HORMAD2: variants seen among roughly 807,000 people sequenced by gnomAD.
HORMAD2 encodes the protein HORMA domain containing 2, also known as HORMA domain-containing protein 2.
In HORMAD2, 45 loss-of-function variants were observed where a neutral mutation model predicts 38.8. The ratio of observed to expected loss-of-function variants is 1.16; its 90% CI spans 0.91 to 1.49. The LOEUF is 1.49. Ranked by LOEUF, HORMAD2 falls within the 40% of genes most tolerant of loss-of-function variation. HORMAD2 has a pLI of 0.00. For synonymous variants in HORMAD2, 126 were observed against 122.8 expected, an observed-to-expected ratio of 1.03 and a Z score of -0.17; for missense variants, 338 against 367.0, an observed-to-expected ratio of 0.92 and a Z score of 0.65.
Position 30,145,100 on chromosome 22 carries a change from A to G in HORMAD2, c.819+22886A>G, listed in dbSNP as rs147760393. On this transcript the variant is annotated intron_variant, in intron 10 of 10. Transcript: ENST00000336726. ...ATATTCTTGAACGGAGGCTTCTTCA[A>G]TTACTGTATGCCTTTAGGTATAACA... Among the ~76,000 whole-genome samples the G allele has an allele frequency of 4.8e-3, 725 of 152,342 alleles. 8 individuals are homozygous for G. The highest frequency in any genetic ancestry group is 0.016 in the African/African-American group (682 of 41,580).
At chr22:30,143,495 T>G (rs1285952565) in intron 10 of HORMAD2, among the ~76,000 whole-genome samples, 2 of 152,206 alleles carry the variant, frequency 1.3e-5, no homozygotes, top group Non-Finnish European at 2.9e-5. Context: ...TATGTTGTCT[T>G]ACTACCTCAC....
At chr22:30,195,050 G>T in the HORMAD2 span, among the ~76,000 whole-genome samples, 1 of 151,890 alleles carries the variant, frequency 6.6e-6, no homozygotes, top group East Asian at 1.9e-4. Context: ...AAAATTAGCC[G>T]GGCATGGTGG....
At chr22:30,106,355 AT>A in intron 5 of HORMAD2, among the ~76,000 whole-genome samples, 1 of 152,286 alleles carries the variant, frequency 6.6e-6, no homozygotes, top group Middle Eastern at 3.4e-3. Context: ...TTATGTAAAA[AT>A]ATCAGAGATA....
chr22:30,186,243 T>C, the HORMAD2 span, among the ~76,000 whole-genome samples: 1 of 152,162 alleles, frequency 6.6e-6, no homozygotes, highest in Admixed American at 6.5e-5. Flanking sequence ...TTTTCTAGAA[T>C]ATTTTTCCAT....
intron 10 of HORMAD2, among the ~76,000 whole-genome samples, chr22:30,139,955 CTGTGTGTGTGTG>C (rs36099958): frequency 6.7e-6 from 1 of 150,152 alleles, no homozygotes; most frequent in Admixed American, 6.6e-5. Context: ...GTACGTGTAT[CTGTGTGTGTGTG>C]TGTGTGTATT....
intron 10 of HORMAD2, among the ~76,000 whole-genome samples, chr22:30,123,366 G>A (rs1040624601): frequency 1.3e-5 from 2 of 151,918 alleles, no homozygotes; most frequent in Admixed American, 1.3e-4. Context: ...ACAGGGTCTC[G>A]CTCTGTTGCC....
the HORMAD2 span, among the ~76,000 whole-genome samples, chr22:30,203,746 C>G: frequency 6.6e-6 from 1 of 152,200 alleles, no homozygotes; most frequent in East Asian, 1.9e-4. Context: ...CATTCTCACG[C>G]AAAACACACA....
intron 10 of HORMAD2, among the ~76,000 whole-genome samples, chr22:30,142,965 T>C (rs1293653428): frequency 6.6e-6 from 1 of 152,178 alleles, no homozygotes; most frequent in Non-Finnish European, 1.5e-5. Context: ...TTTGTCCCTT[T>C]TTGGTATTTT....
At chr22:30,086,618 TTTGTAATTTAAAAA>T (rs2068575052) in intron 1 of HORMAD2, among the ~76,000 whole-genome samples, 1 of 151,790 alleles carries the variant, frequency 6.6e-6, no homozygotes, top group Non-Finnish European at 1.5e-5. Context: ...CATAGTCGAG[TTTGTAATTTAAAAA>T]CTCTGGCTGC....
chr22:30,124,933 G>T (rs1440269240), intron 10 of HORMAD2, among the ~76,000 whole-genome samples: 1 of 152,060 alleles, frequency 6.6e-6, no homozygotes, highest in Non-Finnish European at 1.5e-5. Flanking sequence ...TATTGTCAGG[G>T]TTTATGTTTC....
chr22:30,129,242 AAAAAAAAAAAAAAAG>A (rs869074555), intron 10 of HORMAD2, among the ~76,000 whole-genome samples: 3,079 of 56,624 alleles, frequency 0.054, 372 homozygotes, highest in South Asian at 0.15. Flanking sequence ...AAAAAAAAAA[AAAAAAAAAAAAAAAG>A]AGAGAGAGAG....
intron 1 of HORMAD2, among the ~76,000 whole-genome samples, chr22:30,090,982 C>T (rs1187936040): frequency 6.6e-6 from 1 of 152,102 alleles, no homozygotes; most frequent in African/African-American, 2.4e-5. Context: ...CTAACTTCTC[C>T]CTATCCAACC....
chr22:30,203,792 A>G, the HORMAD2 span, among the ~76,000 whole-genome samples: 1 of 152,208 alleles, frequency 6.6e-6, no homozygotes, highest in Non-Finnish European at 1.5e-5. Context: ...GTGCACGTGC[A>G]TGCATCCTTA....
rs143824571 is a variant in HORMAD2, at chr22:30,133,975, T to C, written c.819+11761T>C. Among the ~76,000 whole-genome samples the C allele has an allele frequency of 4.4e-4, 67 of 152,296 alleles. No homozygotes were observed. In the East Asian group the frequency reaches 0.012, roughly 26 times the overall value. On this transcript the variant is annotated intron_variant, in intron 10 of 10. Transcript: ENST00000336726. The stretch of plus-strand genomic sequence containing the variant: ...TGAGCCACTACCTAGGTGTGCTTTT[T>C]TTCTGCCCAATGGAGGGCTCTTTCT...
chr22:30,140,771 A>G (rs1220394498), intron 10 of HORMAD2, among the ~76,000 whole-genome samples: 1 of 152,116 alleles, frequency 6.6e-6, no homozygotes, highest in East Asian at 1.9e-4. Flanking sequence ...AATTCTCCAT[A>G]TCATAAATGT....
At chr22:30,095,218 CTT>C (rs778410804) in intron 2 of HORMAD2, among the ~76,000 whole-genome samples, 3 of 152,264 alleles carry the variant, frequency 2.0e-5, no homozygotes, top group East Asian at 1.9e-4. Context: ...AAAATAAACA[CTT>C]AAATCAAATA....
At chr22:30,193,068 C>A in the HORMAD2 span, among the ~76,000 whole-genome samples, 1 of 151,774 alleles carries the variant, frequency 6.6e-6, no homozygotes, top group Non-Finnish European at 1.5e-5. Flanking sequence ...AATGATAGAC[C>A]GAAAAAAGCA....
chr22:30,101,306 C>T (rs771835822), intron 3 of HORMAD2, among the ~76,000 whole-genome samples: 1 of 151,892 alleles, frequency 6.6e-6, no homozygotes, highest in African/African-American at 2.4e-5. Flanking sequence ...TGCTGGAAAC[C>T]ATCATTCTCA....
chr22:30,175,427 C>G (rs1038392383), intron 10 of HORMAD2, among the ~76,000 whole-genome samples: 2 of 149,426 alleles, frequency 1.3e-5, no homozygotes, highest in Non-Finnish European at 3.0e-5. Context: ...TGTCCTCTAT[C>G]TGTTTTTTGG....
Sources: gnomAD v4.1 joint callset for allele counts (sites outside exome capture counted in the v4.1 genomes callset) on GRCh38, gnomAD v4.1.1 for gene constraint, MANE v1.5 for transcripts, NCBI Gene and HGNC (gene_info 2026-07-23, HGNC 2026-07-21) for gene names.